Variants in EMX1 observed in about 807,000 individuals in gnomAD.
EMX1 encodes the protein homeobox protein EMX1.
EMX1 carries 10 observed loss-of-function variants against 20.1 expected under a neutral mutation model. That is an observed-to-expected ratio of 0.50 (90% CI 0.31 to 0.84). The LOEUF (loss-of-function observed/expected upper bound fraction) is 0.84, where lower values mean the gene tolerates loss of function less well. EMX1 is among the 40% of genes least tolerant of loss of function. EMX1 has a pLI of 0.05. For synonymous variants in EMX1, 250 were observed against 200.4 expected (o/e 1.25, Z -2.09); for missense variants, 424 against 431.9 (o/e 0.98, Z 0.16).
rs1573897730 is a variant in EMX1 at position 72,924,596 on chromosome 2, C to T, written c.705+103C>T. ...CTGAGCCCGCCCCAGCCCAGCCCTG[C>T]TGGGTTCCAAAAGGCCCCCATTCCC... On this transcript the variant is annotated intron_variant, in intron 2 of 2. Coordinates refer to ENST00000258106, the MANE Select transcript of EMX1 (RefSeq NM_004097.3). The T allele has an allele frequency of 4.4e-6, 6 of 1,372,222 alleles. No homozygotes were observed. The East Asian group carries it at 1.0e-4, about 23-fold the overall frequency. The allele number at this position is 1,372,222 out of a possible 1,614,324, so 85.0% of individuals were successfully genotyped here.
At chr2:72,916,568 C>G, upstream of EMX1, 1 of 615,540 alleles carries the variant, frequency 1.6e-6, no homozygotes, top group African/African-American at 1.8e-5. Flanking sequence ...GTCCGCCGTA[C>G]GGAAAAACTG....
At chr2:72,928,705 TCTTA>T (rs1350514190) in intron 2 of EMX1, among the ~76,000 whole-genome samples, 1 of 152,220 alleles carries the variant, frequency 6.6e-6, no homozygotes, top group African/African-American at 2.4e-5. Context: ...TTTGAAGATT[TCTTA>T]CTGAGTGATG....
intron 1 of EMX1, chr2:72,923,369 G>C (rs1403171198): frequency 6.6e-6 from 1 of 152,206 alleles, no homozygotes; most frequent in East Asian, 1.9e-4. Flanking sequence ...TAGAGAGAAA[G>C]ATGACATCTA....
chr2:72,916,224 C>A (rs962221141), upstream of EMX1: 6 of 163,180 alleles, frequency 3.7e-5, no homozygotes, highest in Non-Finnish European at 7.9e-5. Context: ...GGCGCTCAGG[C>A]GGGCCGCTGC....
intron 1 of EMX1, among the ~76,000 whole-genome samples, chr2:72,919,684 A>T (rs1671066663): frequency 6.6e-6 from 1 of 152,220 alleles, no homozygotes; most frequent in South Asian, 2.1e-4. Context: ...CCTGGCAGAT[A>T]CCACAAAACC....
chr2:72,924,388 G>C lies in EMX1; in HGVS notation c.600G>C (p.Ser200=). The change falls in exon 2 of 3, where the codon TCG becomes TCC. Residue 200 remains serine, a synonymous_variant. Coordinates refer to ENST00000258106, the MANE Select transcript of EMX1 (RefSeq NM_004097.3). ...RKPKRIRTAF[S]PSQLLRLERA... ...CCAAGCGGATCCGCACGGCCTTCTC[G>C]CCCTCGCAGCTGCTGCGGCTGGAGC... The C allele has an allele frequency of 6.3e-7, 1 of 1,594,872 alleles. No individual in the cohort carries two copies. Among genetic ancestry groups the C allele is most frequent in the Non-Finnish European group, 8.5e-7 (1 of 1,175,264 alleles).
chr2:72,917,197 A>G, upstream of EMX1: 1 of 604,832 alleles, frequency 1.7e-6, no homozygotes, highest in East Asian at 2.8e-5. Context: ...CCCGGGACGA[A>G]TGGGAGAGTT....
intron 2 of EMX1, among the ~76,000 whole-genome samples, chr2:72,925,157 C>T (rs1038559925): frequency 7.2e-5 from 11 of 152,196 alleles, no homozygotes; most frequent in Admixed American, 5.2e-4. Context: ...TCTGAGTGGC[C>T]TGGGCCTGGT....
rs928507314 is a variant in EMX1 at position 72,919,180 on chromosome 2, T to C, written c.520+808T>C. On this transcript the variant is annotated intron_variant, in intron 1 of 2. Coordinates refer to ENST00000258106, the MANE Select transcript of EMX1 (RefSeq NM_004097.3). ...GCTAATAAAGATCCTCCACTGGCCC[T>C]ACACACACACACACACACACACACA... Among the ~76,000 whole-genome samples, 688 of 142,614 alleles carry C rather than the reference T, an allele frequency of 4.8e-3. 2 individuals are homozygous for C. The highest frequency in any genetic ancestry group is 0.017 in the African/African-American group (667 of 38,666). The allele number at this position is 142,614 out of a possible 152,430, so 93.6% of individuals were successfully genotyped here. A position where few individuals can be genotyped will look rare whatever the true frequency, so the allele number is the denominator to read the frequency against.
At chr2:72,916,934 T>A (rs1036399006), upstream of EMX1, 3 of 717,232 alleles carry the variant, frequency 4.2e-6, no homozygotes, top group African/African-American at 3.5e-5. Flanking sequence ...TCCCGCGCAG[T>A]GCCCCGCCTG....
intron 2 of EMX1, chr2:72,925,516 CGGCCGGCTCCCAGAGTTGCGAGA>C (rs1671185974): frequency 1.6e-6 from 2 of 1,288,802 alleles, no homozygotes; most frequent in Admixed American, 2.3e-5. Flanking sequence ...CTCTGCGTGC[CGGCCGGCTCCCAGAGTTGCGAGA>C]GGCCGGCTCC....
At chr2:72,933,625 A>G (rs1671318566) in intron 2 of EMX1, 162 bp from the exon 3 acceptor site, 1 of 745,380 alleles carries the variant, frequency 1.3e-6, no homozygotes, top group Non-Finnish European at 2.1e-6. Flanking sequence ...TGTTAGACCC[A>G]TGGGAGCAGC....
At chr2:72,918,477 G>T (rs975208941) in intron 1 of EMX1, 105 bp downstream of exon 1, 4 of 1,307,844 alleles carry the variant, frequency 3.1e-6, no homozygotes, top group Non-Finnish European at 3.9e-6. Context: ...GTTACTGCCG[G>T]GAAGGCTGCA....
upstream of EMX1, chr2:72,917,344 G>T (rs972534612): frequency 1.3e-5 from 5 of 380,790 alleles, no homozygotes; most frequent in South Asian, 2.9e-4. Context: ...GCGAGGAGAA[G>T]CCAGTGGCGA....
intron 2 of EMX1, among the ~76,000 whole-genome samples, chr2:72,928,654 TGA>T (rs1671240946): frequency 6.6e-6 from 1 of 152,242 alleles, no homozygotes; most frequent in Non-Finnish European, 1.5e-5. Flanking sequence ...AGAGTTTAGC[TGA>T]GCGGTGAAGG....
chr2:72,919,895 G>A (rs1671069534), intron 1 of EMX1, among the ~76,000 whole-genome samples: 1 of 152,204 alleles, frequency 6.6e-6, no homozygotes, highest in African/African-American at 2.4e-5. Flanking sequence ...ATCTACCCTG[G>A]TCCTCCGTGG....
intron 2 of EMX1, among the ~76,000 whole-genome samples, chr2:72,929,673 G>C (rs1671253730): frequency 6.6e-6 from 1 of 152,198 alleles, no homozygotes; most frequent in Non-Finnish European, 1.5e-5. Flanking sequence ...CAGGAGTGGT[G>C]AAAAAGAAGG....
At chr2:72,927,893 C>G (rs1335579627) in intron 2 of EMX1, among the ~76,000 whole-genome samples, 1 of 152,218 alleles carries the variant, frequency 6.6e-6, no homozygotes, top group East Asian at 1.9e-4. Flanking sequence ...TGTCATTGCT[C>G]CCTCCCTGTC....
chr2:72,916,689 C>G (rs1419993155), upstream of EMX1: 3 of 716,940 alleles, frequency 4.2e-6, no homozygotes, highest in East Asian at 5.4e-5. Context: ...TTGAGATGGG[C>G]TCGGGCTACT....
Sources: gnomAD v4.1 joint callset for allele counts (sites outside exome capture counted in the v4.1 genomes callset) on GRCh38, gnomAD v4.1.1 for gene constraint, MANE v1.5 for transcripts, NCBI Gene and HGNC (gene_info 2026-07-23, HGNC 2026-07-21) for gene names.